The following ARHGAP44 variants were observed in gnomAD, a reference collection of about 807,000 sequenced individuals.
ARHGAP44 encodes Rho GTPase activating protein 44.
ARHGAP44 carries 43 observed loss-of-function variants against 106.8 expected under a neutral mutation model. The observed-to-expected ratio is 0.40, with a 90% CI of 0.32 to 0.52. The LOEUF (loss-of-function observed/expected upper bound fraction) is 0.52, where lower values mean the gene tolerates loss of function less well. Among genes scored for constraint, ARHGAP44 ranks in the 20% least tolerant of loss-of-function variants. The pLI, the probability that ARHGAP44 is intolerant of heterozygous loss-of-function variation, is 0.48. For synonymous variants in ARHGAP44, 439 were observed against 410.3 expected (o/e 1.07, Z -0.85); for missense variants, 866 against 1,050.5 (o/e 0.82, Z 2.43).
chr17:12,942,866 T>C (rs1457284365), intron 8 of ARHGAP44, among the ~76,000 whole-genome samples: 3 of 152,220 alleles, frequency 2.0e-5, no homozygotes, highest in Admixed American at 2.0e-4. Flanking sequence ...TAGAATACTT[T>C]GAAGGAATTT....
intron 1 of ARHGAP44, among the ~76,000 whole-genome samples, chr17:12,865,649 C>T (rs1420547841): frequency 4.6e-5 from 7 of 151,838 alleles, no homozygotes; most frequent in African/African-American, 1.7e-4. Context: ...ATTAGCTGGG[C>T]GTGGTGGCGG....
chr17:12,830,785 A>G (rs2035064221), intron 1 of ARHGAP44, among the ~76,000 whole-genome samples: 1 of 152,160 alleles, frequency 6.6e-6, no homozygotes, highest in Admixed American at 6.5e-5. Flanking sequence ...GACAGCTCTC[A>G]TCTGGTGTTT....
chr17:12,974,499 C>A (rs1187332598), intron 18 of ARHGAP44, among the ~76,000 whole-genome samples, 189 bp downstream of exon 18: 1 of 152,116 alleles, frequency 6.6e-6, no homozygotes, highest in Non-Finnish European at 1.5e-5. Context: ...GATTATCACA[C>A]GAAGTCCAGT....
At chr17:12,948,225 C>A (rs1303108676) in intron 10 of ARHGAP44, among the ~76,000 whole-genome samples, 1 of 152,238 alleles carries the variant, frequency 6.6e-6, no homozygotes, top group Non-Finnish European at 1.5e-5. Context: ...AGCTCCCTTT[C>A]ACTCTCTAAG....
chr17:12,967,679 C>T (rs1434284451), intron 16 of ARHGAP44, among the ~76,000 whole-genome samples: 1 of 152,002 alleles, frequency 6.6e-6, no homozygotes, highest in South Asian at 2.1e-4. Flanking sequence ...GATCGCTGAG[C>T]ACCTCCTCAC....
intron 2 of ARHGAP44, among the ~76,000 whole-genome samples, chr17:12,895,555 T>A (rs993626094): frequency 1.3e-5 from 2 of 152,226 alleles, no homozygotes; most frequent in Admixed American, 1.3e-4. Flanking sequence ...TTTTTTCTTG[T>A]AAATTTGTTT....
rs34877405 is a variant in ARHGAP44 at position 12,865,790 on chromosome 17, G to GAA, written c.54-29135_54-29134dup. On this transcript the variant is annotated intron_variant, in intron 1 of 20. Transcript: ENST00000379672. ...GGCAACAGAGCGAGACTCATCTCAAGAAAAAAAAAAAAAAAAGGAAATCAG... is the reference window on the plus strand; with the variant it reads ...GGCAACAGAGCGAGACTCATCTCAAGAAAAAAAAAAAAAAAAAAGGAAATCAG... Among the ~76,000 whole-genome samples, 158 of 119,036 alleles carry GAA rather than the reference G, an allele frequency of 1.3e-3. 1 individual carries two copies. Among genetic ancestry groups the GAA allele is most frequent in the Middle Eastern group, 4.9e-3 (1 of 206 alleles). 78.1% of individuals were successfully genotyped at this position (119,036 alleles called of 152,430 possible).
At chr17:12,885,804 G>A (rs9910591) in intron 1 of ARHGAP44, among the ~76,000 whole-genome samples, 78,075 of 151,812 alleles carry the variant, frequency 0.51, 21,152 homozygotes, top group East Asian at 0.6. Flanking sequence ...CTTTTTCTGA[G>A]TTATCTTTTC....
At chr17:12,828,917 A>G (rs1449880672) in intron 1 of ARHGAP44, among the ~76,000 whole-genome samples, 1 of 144,086 alleles carries the variant, frequency 6.9e-6, no homozygotes, top group African/African-American at 2.9e-5. Flanking sequence ...CTGGGATTAC[A>G]GGGATTACAG....
intron 1 of ARHGAP44, among the ~76,000 whole-genome samples, chr17:12,852,806 G>T (rs1300150032): frequency 6.6e-6 from 1 of 152,068 alleles, no homozygotes; most frequent in African/African-American, 2.4e-5. Context: ...TTCCCAAAGT[G>T]CTGGGATTAC....
At chr17:12,801,983 AGTCTAAGTACAAATAT>A (rs1412440039) in intron 1 of ARHGAP44, among the ~76,000 whole-genome samples, 2 of 152,214 alleles carry the variant, frequency 1.3e-5, no homozygotes, top group East Asian at 3.9e-4. Flanking sequence ...GGCCCTAAAA[AGTCTAAGTACAAATAT>A]GTTTCCAGTT....
intron 1 of ARHGAP44, among the ~76,000 whole-genome samples, chr17:12,838,663 A>G (rs1446172675): frequency 6.6e-6 from 1 of 151,884 alleles, no homozygotes; most frequent in Non-Finnish European, 1.5e-5. Context: ...CCCCCCACCC[A>G]TCTCCAATTT....
chr17:12,957,213 C>T (rs190878918), intron 15 of ARHGAP44, among the ~76,000 whole-genome samples: 1 of 152,312 alleles, frequency 6.6e-6, no homozygotes, highest in Admixed American at 6.5e-5. Context: ...CTGCCTCATC[C>T]TCCCAAAGTG....
At chr17:12,804,051 G>A (rs1033605492) in intron 1 of ARHGAP44, among the ~76,000 whole-genome samples, 1 of 152,166 alleles carries the variant, frequency 6.6e-6, no homozygotes, top group Non-Finnish European at 1.5e-5. Flanking sequence ...AGGAGTCCAG[G>A]TGTCTTGTGA....
At chr17:12,986,893 T>C (rs1046426155) in intron 20 of ARHGAP44, 2 of 566,798 alleles carry the variant, frequency 3.5e-6, no homozygotes, top group African/African-American at 3.8e-5. Context: ...CCTCGCCCTG[T>C]GCGGACCCTA....
rs550228748 is a variant in ARHGAP44, at chr17:12,801,035, C to T, written c.53+11144C>T. Among the ~76,000 whole-genome samples the T allele has an allele frequency of 1.1e-4, 16 of 152,294 alleles. No individual in the cohort carries two copies. In the East Asian group the frequency reaches 3.1e-3, roughly 29 times the overall value. On this transcript the variant is annotated intron_variant, in intron 1 of 20. Transcript: ENST00000379672. The stretch of plus-strand genomic sequence containing the variant: ...GTGAAATTTCTGCCAATAGAAGATT[C>T]TTTCACTTTGTTTTTTTTATTGCAA...
At chr17:12,812,695 A>G (rs554777126) in intron 1 of ARHGAP44, among the ~76,000 whole-genome samples, 1 of 152,240 alleles carries the variant, frequency 6.6e-6, no homozygotes. Context: ...CGTGGTTAAC[A>G]TGCTCACAAG....
At chr17:12,941,615 C>G (rs1200636262) in intron 8 of ARHGAP44, among the ~76,000 whole-genome samples, 1 of 152,132 alleles carries the variant, frequency 6.6e-6, no homozygotes, top group Non-Finnish European at 1.5e-5. Context: ...AATTCCTTCC[C>G]CCTGCACATT....
At chr17:12,930,159 G>T (rs2038356927) in intron 7 of ARHGAP44, among the ~76,000 whole-genome samples, 1 of 152,062 alleles carries the variant, frequency 6.6e-6, no homozygotes, top group African/African-American at 2.4e-5. Context: ...GGCGTGTGTG[G>T]TATTCCTGAA....
Sources: gnomAD v4.1 joint callset for allele counts (sites outside exome capture counted in the v4.1 genomes callset) on GRCh38, gnomAD v4.1.1 for gene constraint, MANE v1.5 for transcripts, NCBI Gene and HGNC (gene_info 2026-07-23, HGNC 2026-07-21) for gene names.